The following ZMIZ1 variants were observed in gnomAD, a reference collection of about 807,000 sequenced individuals.
The protein encoded by ZMIZ1 is zinc finger MIZ domain-containing protein 1.
ZMIZ1 carries 17 observed loss-of-function variants against 113.9 expected under a neutral mutation model. The ratio of observed to expected loss-of-function variants is 0.15; its 90% CI spans 0.10 to 0.22. The LOEUF is 0.22. Among genes scored for constraint, ZMIZ1 ranks in the 10% least tolerant of loss-of-function variants. The pLI is 1.00. For missense variants in ZMIZ1, 1,059 were observed against 1,477.8 expected (o/e 0.72, Z 4.65); for synonymous variants, 607 against 603.1 (o/e 1.01, Z -0.09).
intron 1 of ZMIZ1, among the ~76,000 whole-genome samples, chr10:79,089,334 T>C (rs1374781368): frequency 6.6e-6 from 1 of 152,228 alleles, no homozygotes; most frequent in South Asian, 2.1e-4. Context: ...AAACACAAAT[T>C]GTGGAAGAGT....
chr10:79,073,967 C>T (rs1341753760), intron 1 of ZMIZ1, among the ~76,000 whole-genome samples: 2 of 152,156 alleles, frequency 1.3e-5, no homozygotes, highest in African/African-American at 4.8e-5. Context: ...CCAGTGCCGG[C>T]AGGAAGATCA....
At chr10:79,304,240 T>C (rs1363637294) in intron 19 of ZMIZ1, 65 bp downstream of exon 19, 14 of 1,568,406 alleles carry the variant, frequency 8.9e-6, no homozygotes, top group Admixed American at 3.5e-5. Flanking sequence ...TGGTGAGGGG[T>C]AGGCAGAGGG....
chr10:79,263,778 A>G (rs1462269762), intron 7 of ZMIZ1, among the ~76,000 whole-genome samples: 2 of 151,996 alleles, frequency 1.3e-5, no homozygotes, highest in African/African-American at 4.8e-5. Context: ...GCTCAAACAC[A>G]TGGTCTCTTG....
chr10:79,079,326 G>A (rs577558255), intron 1 of ZMIZ1, among the ~76,000 whole-genome samples: 22 of 152,294 alleles, frequency 1.4e-4, no homozygotes, highest in Non-Finnish European at 2.2e-4. Flanking sequence ...CTTTGCAAAC[G>A]TGCACTTTCC....
intron 3 of ZMIZ1, among the ~76,000 whole-genome samples, chr10:79,149,308 G>A (rs2132445014): frequency 6.6e-6 from 1 of 152,328 alleles, no homozygotes; most frequent in African/African-American, 2.4e-5. Flanking sequence ...CTTGCTCTCT[G>A]GCCTATTTGC....
chr10:79,170,717 T>A (rs1027783545), intron 4 of ZMIZ1, among the ~76,000 whole-genome samples: 1 of 152,210 alleles, frequency 6.6e-6, no homozygotes, highest in African/African-American at 2.4e-5. Flanking sequence ...AACTGCAGAA[T>A]GACCCCGCAG....
At chr10:79,101,269 G>A (rs1843355149) in intron 1 of ZMIZ1, among the ~76,000 whole-genome samples, 1 of 152,208 alleles carries the variant, frequency 6.6e-6, no homozygotes, top group African/African-American at 2.4e-5. Flanking sequence ...AGCTCACTGT[G>A]CTGGTGAAGG....
chr10:79,263,367 G>A (rs1481914802), intron 7 of ZMIZ1, among the ~76,000 whole-genome samples: 1 of 152,228 alleles, frequency 6.6e-6, no homozygotes, highest in Non-Finnish European at 1.5e-5. Context: ...AGCAGGGAAG[G>A]GTGGGGTGGA....
At chr10:79,202,189 GAAAAA>G (rs58021590) in intron 5 of ZMIZ1, among the ~76,000 whole-genome samples, 9 of 52,636 alleles carry the variant, frequency 1.7e-4, no homozygotes, top group South Asian at 9.4e-4. Flanking sequence ...CCCTGTCTCA[GAAAAA>G]AAAAAAAAAA....
At chr10:79,180,063 G>A (rs1428923809) in intron 4 of ZMIZ1, among the ~76,000 whole-genome samples, 4 of 152,190 alleles carry the variant, frequency 2.6e-5, no homozygotes, top group East Asian at 1.9e-4. Context: ...GGGTGGAGAC[G>A]GGCCCCCACA....
intron 14 of ZMIZ1, among the ~76,000 whole-genome samples, chr10:79,298,185 G>T (rs1237103731): frequency 1.3e-5 from 2 of 152,158 alleles, no homozygotes; most frequent in Admixed American, 1.3e-4. Flanking sequence ...TGACACAGGA[G>T]CTCAGTGGTG....
intron 3 of ZMIZ1, among the ~76,000 whole-genome samples, chr10:79,143,064 G>GTC (rs1431346519): frequency 6.6e-6 from 1 of 152,074 alleles, no homozygotes; most frequent in East Asian, 1.9e-4. Flanking sequence ...CTCCATCTCT[G>GTC]TCTCTCTCTT....
chr10:79,119,879 C>T (rs915791520), intron 2 of ZMIZ1, among the ~76,000 whole-genome samples: 3 of 150,214 alleles, frequency 2.0e-5, no homozygotes, highest in African/African-American at 7.3e-5. Flanking sequence ...CCCTCAAGTT[C>T]GTTTTCCTAA....
At chr10:79,158,248 T>C (rs1845979345) in intron 3 of ZMIZ1, among the ~76,000 whole-genome samples, 7 of 152,172 alleles carry the variant, frequency 4.6e-5, no homozygotes, top group African/African-American at 1.7e-4. Flanking sequence ...AGCTGAGGCC[T>C]GGTGATGGAA....
Position 79,114,403 on chromosome 10 carries a change from A to G in ZMIZ1, c.-336-4512A>G, listed in dbSNP as rs141267041. On this transcript the variant is annotated intron_variant, in intron 1 of 24. Coordinates refer to ENST00000334512, the MANE Select transcript of ZMIZ1 (RefSeq NM_020338.4). ...GGTTGAGTGAGTCGGAGAAATCTGG[A>G]GGCTGGGAGTGGGGGAAGGCGGGTT... Among the ~76,000 whole-genome samples, 166 of 151,846 alleles carry G rather than the reference A, an allele frequency of 1.1e-3. 1 individual carries two copies. Among genetic ancestry groups the G allele is most frequent in the African/African-American group, 3.9e-3 (161 of 41,374 alleles).
chr10:79,225,974 G>T (rs1248811942), intron 7 of ZMIZ1, among the ~76,000 whole-genome samples: 3 of 152,212 alleles, frequency 2.0e-5, no homozygotes, highest in Non-Finnish European at 4.4e-5. Flanking sequence ...GGAATTTTAA[G>T]GGCGAGGGAT....
intron 4 of ZMIZ1, among the ~76,000 whole-genome samples, chr10:79,197,922 A>G (rs1405449668): frequency 1.3e-5 from 2 of 152,050 alleles, no homozygotes; most frequent in Non-Finnish European, 2.9e-5. Flanking sequence ...TAATCTCCGC[A>G]CGCCCAACCC....
intron 4 of ZMIZ1, 60 bp from the exon 5 acceptor site, chr10:79,201,524 G>T: frequency 7.8e-7 from 1 of 1,284,380 alleles, no homozygotes; most frequent in Non-Finnish European, 1.1e-6. Context: ...CAGTTGGGAG[G>T]CTGCTCAAGG....
At chr10:79,311,300 GTGGGA>G in intron 24 of ZMIZ1, 116 bp downstream of exon 24, 1 of 1,124,142 alleles carries the variant, frequency 8.9e-7, no homozygotes, top group Non-Finnish European at 1.2e-6. Context: ...TGGGTGGGCG[GTGGGA>G]GGGCTTCACC....
Sources: gnomAD v4.1 joint callset for allele counts (sites outside exome capture counted in the v4.1 genomes callset) on GRCh38, gnomAD v4.1.1 for gene constraint, MANE v1.5 for transcripts, NCBI Gene and HGNC (gene_info 2026-07-23, HGNC 2026-07-21) for gene names.